TASP1: variants seen among roughly 807,000 people sequenced by gnomAD.
TASP1 encodes the protein taspase 1, also known as threonine aspartase 1.
Under a neutral mutation model 56.6 loss-of-function variants are expected in TASP1, and 16 were observed. That is an observed-to-expected ratio of 0.28 (90% CI 0.19 to 0.43). The LOEUF is 0.43. Ranked by LOEUF, TASP1 falls within the 20% of genes least tolerant of loss-of-function variation. TASP1 has a pLI of 1.00. For missense variants in TASP1, 393 were observed against 511.6 expected, an observed-to-expected ratio of 0.77 and a Z score of 2.24; for synonymous variants, 179 against 184.2, an observed-to-expected ratio of 0.97 and a Z score of 0.23.
chr20:13,509,795 T>A (rs189973896), intron 10 of TASP1, among the ~76,000 whole-genome samples: 13 of 152,204 alleles, frequency 8.5e-5, no homozygotes, highest in Admixed American at 8.5e-4. Flanking sequence ...CCCGGCTAAT[T>A]TTTGTATTTT....
chr20:13,433,841 TAAA>T (rs111973613), intron 12 of TASP1, among the ~76,000 whole-genome samples: 2 of 116,184 alleles, frequency 1.7e-5, no homozygotes, highest in African/African-American at 3.4e-5. Context: ...GTGTTTGTAT[TAAA>T]AAAAAAAAAA....
At position 13,476,634 on chromosome 20, in the gene TASP1, A is replaced by T. The variant is rs113475279; in HGVS notation, c.985+6593T>A. Among the ~76,000 whole-genome samples, 26 of 152,306 alleles carry T rather than the reference A, an allele frequency of 1.7e-4. No homozygotes were observed. In the East Asian group the frequency reaches 4.6e-3, roughly 27 times the overall value. ...TTTTATTTATCTGTGAATCTCTCATAGTAACCAGCAAAGTATCTTGTATAT... is the reference window on the plus strand; with the variant it reads ...TTTTATTTATCTGTGAATCTCTCATTGTAACCAGCAAAGTATCTTGTATAT... On this transcript the variant is annotated intron_variant, in intron 11 of 13. Transcript: ENST00000337743.
intron 10 of TASP1, among the ~76,000 whole-genome samples, chr20:13,503,399 T>C (rs2044016823): frequency 6.6e-6 from 1 of 151,890 alleles, no homozygotes; most frequent in African/African-American, 2.4e-5. Context: ...CAAAAGCGAA[T>C]AAAAGACATG....
chr20:13,258,892 C>T, the TASP1 span, among the ~76,000 whole-genome samples: 1 of 152,128 alleles, frequency 6.6e-6, no homozygotes, highest in East Asian at 1.9e-4. Context: ...CTTGTCAGTG[C>T]ATTAGACCAA....
At chr20:13,371,082 C>T in the TASP1 span, among the ~76,000 whole-genome samples, 1 of 152,102 alleles carries the variant, frequency 6.6e-6, no homozygotes, top group East Asian at 1.9e-4. Context: ...TTCTAGCTAA[C>T]AGTTTGTCAG....
chr20:13,441,696 A>G (rs998986739), intron 11 of TASP1, among the ~76,000 whole-genome samples: 10 of 152,208 alleles, frequency 6.6e-5, no homozygotes, highest in African/African-American at 2.2e-4. Context: ...ATGTAGTGGC[A>G]AGGCAAGCAT....
the TASP1 span, among the ~76,000 whole-genome samples, chr20:13,178,547 A>G: frequency 6.6e-6 from 1 of 152,154 alleles, no homozygotes; most frequent in Non-Finnish European, 1.5e-5. Context: ...ATATATACAC[A>G]ATGGAATATT....
At chr20:13,444,383 C>T (rs1433602669) in intron 11 of TASP1, among the ~76,000 whole-genome samples, 1 of 152,080 alleles carries the variant, frequency 6.6e-6, no homozygotes, top group South Asian at 2.1e-4. Flanking sequence ...TTCCTATGCG[C>T]CAAATCACTT....
intron 10 of TASP1, among the ~76,000 whole-genome samples, chr20:13,518,970 A>G (rs1231237844): frequency 3.3e-5 from 5 of 152,144 alleles, no homozygotes; most frequent in Non-Finnish European, 1.5e-5. Flanking sequence ...TGTGGTACAT[A>G]TACACCATAG....
intron 12 of TASP1, among the ~76,000 whole-genome samples, chr20:13,422,607 T>C (rs1398077717): frequency 6.6e-6 from 1 of 152,172 alleles, no homozygotes; most frequent in African/African-American, 2.4e-5. Context: ...TGCACATTTT[T>C]CCCCATGAGA....
chr20:13,178,087 CAA>C, the TASP1 span, among the ~76,000 whole-genome samples: 2 of 151,802 alleles, frequency 1.3e-5, no homozygotes, highest in Admixed American at 6.6e-5. Context: ...TAAAAATGGG[CAA>C]ATGATCTGAG....
the TASP1 span, among the ~76,000 whole-genome samples, chr20:13,226,872 T>A: frequency 0.24 from 35,826 of 152,164 alleles, 4,803 homozygotes; most frequent in African/African-American, 0.38. Context: ...CAAGAAATAG[T>A]TTCCACTTCT....
the TASP1 span, among the ~76,000 whole-genome samples, chr20:13,344,331 A>G: frequency 1.3e-5 from 2 of 152,078 alleles, no homozygotes; most frequent in African/African-American, 4.8e-5. Flanking sequence ...CCCAAGCCCA[A>G]GTTTTCCTTC....
At chr20:13,288,517 C>T in the TASP1 span, 14 of 1,610,522 alleles carry the variant, frequency 8.7e-6, no homozygotes, top group Non-Finnish European at 1.2e-5. Context: ...AAGTTGATGA[C>T]CATCTCCCTG....
At chr20:13,292,271 C>CA in the TASP1 span, 6 of 724,620 alleles carry the variant, frequency 8.3e-6, no homozygotes, top group Non-Finnish European at 1.4e-5. Flanking sequence ...GTAATGAATA[C>CA]AAAAAAGGCT....
At chr20:13,629,200 C>A (rs886964761) in intron 2 of TASP1, among the ~76,000 whole-genome samples, 1 of 152,058 alleles carries the variant, frequency 6.6e-6, no homozygotes, top group African/African-American at 2.4e-5. Flanking sequence ...ACCCCATCTA[C>A]TAAAAATACA....
the TASP1 span, among the ~76,000 whole-genome samples, chr20:13,258,576 T>C: frequency 2.4e-3 from 362 of 152,294 alleles, 2 homozygotes; most frequent in African/African-American, 7.8e-3. Flanking sequence ...ATGTTCTCTG[T>C]TGAACATCTC....
the TASP1 span, among the ~76,000 whole-genome samples, chr20:13,372,553 T>TTA: frequency 6.6e-6 from 1 of 151,346 alleles, no homozygotes; most frequent in African/African-American, 2.4e-5. Flanking sequence ...ATATGTAATT[T>TTA]TATATATATA....
At chr20:13,609,434 A>G (rs1600155581) in intron 4 of TASP1, among the ~76,000 whole-genome samples, 1 of 152,306 alleles carries the variant, frequency 6.6e-6, no homozygotes. Flanking sequence ...CTGTAATCCC[A>G]GCACTTTGGG....
Sources: allele counts gnomAD v4.1 joint callset (sites outside exome capture counted in the v4.1 genomes callset), GRCh38; gene constraint gnomAD v4.1.1; transcripts MANE v1.5; gene names NCBI Gene and HGNC (gene_info 2026-07-23, HGNC 2026-07-21).